Variants in LRFN5 observed in about 807,000 individuals in gnomAD.
LRFN5 encodes the protein leucine rich repeat and fibronectin type III domain containing 5.
A neutral mutation model predicts 45.6 loss-of-function variants in LRFN5; 24 were observed. That is an observed-to-expected ratio of 0.53 (90% CI 0.38 to 0.74). The LOEUF (loss-of-function observed/expected upper bound fraction) is 0.74, where lower values mean the gene tolerates loss of function less well. Ranked by LOEUF, LRFN5 falls within the 30% of genes least tolerant of loss-of-function variation. LRFN5 has a pLI of 0.00. For missense variants in LRFN5, 776 were observed against 861.5 expected, an observed-to-expected ratio of 0.90 and a Z score of 1.24; for synonymous variants, 340 against 313.8, an observed-to-expected ratio of 1.08 and a Z score of -0.88.
In LRFN5 at chr14:41,622,840, T is replaced by G. The variant is rs375222743; in HGVS notation, c.-197+14278T>G. ...ATAATCTGAAATACAGAATTCTCCATTATGATTTATCCAAGTCATACTCTT... is the reference window on the plus strand; with the variant it reads ...ATAATCTGAAATACAGAATTCTCCAGTATGATTTATCCAAGTCATACTCTT... On this transcript the variant is annotated intron_variant, in intron 1 of 5. Coordinates refer to ENST00000298119, the MANE Select transcript of LRFN5 (RefSeq NM_152447.5). Among the ~76,000 whole-genome samples the G allele has an allele frequency of 5.9e-5, 9 of 152,280 alleles. No homozygotes were observed. In the South Asian group the frequency reaches 1.4e-3, roughly 25 times the overall value.
At chr14:41,870,790 A>G (rs1441090494) in intron 2 of LRFN5, among the ~76,000 whole-genome samples, 2 of 152,184 alleles carry the variant, frequency 1.3e-5, no homozygotes, top group Admixed American at 1.3e-4. Context: ...GCTTTTAACT[A>G]CACTCAATGG....
chr14:41,633,238 T>A (rs919376165), intron 1 of LRFN5, among the ~76,000 whole-genome samples: 1 of 152,048 alleles, frequency 6.6e-6, no homozygotes. Flanking sequence ...AAAAAATATA[T>A]AGTACTATAA....
In LRFN5 at chr14:41,632,448, A is replaced by G. The variant is rs138714414; in HGVS notation, c.-197+23886A>G. On this transcript the variant is annotated intron_variant, in intron 1 of 5. Transcript: ENST00000298119. ...GTGAAACCCCATCTCTATTAAAAAT[A>G]CAAAATTAGCTGGCTGTGGTGGTAT... Among the ~76,000 whole-genome samples the G allele has an allele frequency of 9.1e-3, 1,389 of 152,270 alleles. 6 individuals are homozygous for G. The highest frequency in any genetic ancestry group is 0.014 in the East Asian group (75 of 5,178).
chr14:41,785,332 G>A (rs191153429), intron 2 of LRFN5, among the ~76,000 whole-genome samples: 74 of 151,896 alleles, frequency 4.9e-4, no homozygotes, highest in African/African-American at 1.8e-3. Context: ...TATATCTTTG[G>A]TTCATTTTTC....
At chr14:41,779,855 T>G (rs1886420763) in intron 2 of LRFN5, among the ~76,000 whole-genome samples, 1 of 151,944 alleles carries the variant, frequency 6.6e-6, no homozygotes, top group African/African-American at 2.4e-5. Flanking sequence ...GTGTCTTATC[T>G]CCTTTTCTTT....
chr14:41,695,001 G>A (rs982712860), intron 1 of LRFN5, among the ~76,000 whole-genome samples: 5 of 151,968 alleles, frequency 3.3e-5, no homozygotes, highest in Non-Finnish European at 7.4e-5. Context: ...GCACCAAACA[G>A]CTCAGTTGTA....
intron 1 of LRFN5, among the ~76,000 whole-genome samples, chr14:41,694,596 G>A (rs1688846897): frequency 6.6e-6 from 1 of 151,790 alleles, no homozygotes. Context: ...TCATTTTGCT[G>A]TGTTTCACAG....
chr14:41,780,940 G>T (rs543425191), intron 2 of LRFN5, among the ~76,000 whole-genome samples: 1 of 152,102 alleles, frequency 6.6e-6, no homozygotes, highest in East Asian at 1.9e-4. Context: ...CAGATAGTTA[G>T]CAACAGAATG....
chr14:41,805,724 C>CA (rs773699600), intron 2 of LRFN5, among the ~76,000 whole-genome samples: 13 of 151,912 alleles, frequency 8.6e-5, no homozygotes, highest in Non-Finnish European at 1.6e-4. Context: ...ATCGCAAGAA[C>CA]AAAAAACCAA....
intron 1 of LRFN5, among the ~76,000 whole-genome samples, chr14:41,650,239 A>ACACG (rs1159418962): frequency 6.6e-4 from 92 of 139,506 alleles, no homozygotes; most frequent in African/African-American, 2.4e-3. Context: ...ACAAAAATAC[A>ACACG]CACACACACA....
intron 1 of LRFN5, among the ~76,000 whole-genome samples, chr14:41,696,710 C>T (rs1381684451): frequency 1.3e-5 from 2 of 151,888 alleles, no homozygotes; most frequent in Non-Finnish European, 2.9e-5. Flanking sequence ...GTCCATTTTT[C>T]CTGCCTCCTT....
At chr14:41,678,791 C>G (rs972331133) in intron 1 of LRFN5, among the ~76,000 whole-genome samples, 3 of 152,274 alleles carry the variant, frequency 2.0e-5, no homozygotes, top group Non-Finnish European at 4.4e-5. Context: ...AACCAAAAAT[C>G]ATATGAGCAG....
intron 2 of LRFN5, among the ~76,000 whole-genome samples, chr14:41,785,560 G>C (rs567815206): frequency 6.6e-6 from 1 of 152,072 alleles, no homozygotes; most frequent in African/African-American, 2.4e-5. Flanking sequence ...GACCGGTTTC[G>C]TGGAAGGTGA....
intron 1 of LRFN5, among the ~76,000 whole-genome samples, chr14:41,689,854 C>G (rs1176959212): frequency 7.2e-6 from 1 of 139,692 alleles, no homozygotes; most frequent in African/African-American, 2.7e-5. Context: ...GAGATTGCGC[C>G]ACTGCACTTC....
At chr14:41,704,448 C>CTCTGTGTGTGTGTGTGTGTGTGTG (rs200253065) in intron 1 of LRFN5, among the ~76,000 whole-genome samples, 4 of 124,294 alleles carry the variant, frequency 3.2e-5, no homozygotes, top group African/African-American at 1.5e-4. Context: ...CTCTCTCTCT[C>CTCTGTGTGTGTGTGTGTGTGTGTG]TGTGTGTGTG....
At chr14:41,620,042 C>A (rs1050658661) in intron 1 of LRFN5, among the ~76,000 whole-genome samples, 4 of 151,904 alleles carry the variant, frequency 2.6e-5, no homozygotes, top group African/African-American at 4.8e-5. Flanking sequence ...TTAAAAAATA[C>A]GTCTTTATAT....
intron 1 of LRFN5, among the ~76,000 whole-genome samples, chr14:41,714,407 T>C (rs1457553242): frequency 6.6e-6 from 1 of 152,228 alleles, no homozygotes; most frequent in Non-Finnish European, 1.5e-5. Flanking sequence ...ATAATTATCA[T>C]ACAAGAATTG....
intron 1 of LRFN5, among the ~76,000 whole-genome samples, chr14:41,694,306 C>T (rs539983488): frequency 1.3e-4 from 20 of 152,036 alleles, no homozygotes; most frequent in African/African-American, 3.9e-4. Flanking sequence ...GCTGAAACTT[C>T]GTATCTTTTG....
At chr14:41,691,373 A>T (rs571315813) in intron 1 of LRFN5, among the ~76,000 whole-genome samples, 1 of 152,102 alleles carries the variant, frequency 6.6e-6, no homozygotes, top group Non-Finnish European at 1.5e-5. Context: ...TGAATTATAT[A>T]CATGTATATT....
Sources: allele counts gnomAD v4.1 joint callset (sites outside exome capture counted in the v4.1 genomes callset), GRCh38; gene constraint gnomAD v4.1.1; transcripts MANE v1.5; gene names NCBI Gene and HGNC (gene_info 2026-07-23, HGNC 2026-07-21).